The following ARK2N variants were observed in gnomAD, a reference collection of about 807,000 sequenced individuals.
ARK2N encodes protein ARK2N.
At chr18:46,244,615 T>C in the ARK2N span, among the ~76,000 whole-genome samples, 1 of 145,908 alleles carries the variant, frequency 6.9e-6, no homozygotes, top group African/African-American at 2.6e-5. Context: ...TTTTTTTTTT[T>C]TTTTTTTAAG....
chr18:46,237,838 A>G, the ARK2N span, among the ~76,000 whole-genome samples: 2 of 152,220 alleles, frequency 1.3e-5, no homozygotes, highest in East Asian at 3.8e-4. Flanking sequence ...TTTATATAGT[A>G]TTGACTTGTC....
At chr18:46,237,178 T>C in the ARK2N span, among the ~76,000 whole-genome samples, 1 of 152,092 alleles carries the variant, frequency 6.6e-6, no homozygotes, top group Non-Finnish European at 1.5e-5. Context: ...CTGTTAATAA[T>C]GTGCTGAATT....
chr18:46,243,107 C>G, the ARK2N span, among the ~76,000 whole-genome samples: 2 of 151,946 alleles, frequency 1.3e-5, no homozygotes, highest in South Asian at 2.1e-4. Context: ...TTAAATCTGA[C>G]AATACTGGTA....
At chr18:46,208,605 G>A in the ARK2N span, among the ~76,000 whole-genome samples, 2 of 151,766 alleles carry the variant, frequency 1.3e-5, no homozygotes, top group Non-Finnish European at 2.9e-5. Flanking sequence ...GAGTAGCTGG[G>A]ATTACAGGCA....
chr18:46,255,415 C>A, the ARK2N span, among the ~76,000 whole-genome samples: 1 of 134,004 alleles, frequency 7.5e-6, no homozygotes, highest in African/African-American at 2.9e-5. Flanking sequence ...TTTTTCTTTT[C>A]TTTTCTTTTC....
the ARK2N span, among the ~76,000 whole-genome samples, chr18:46,175,907 G>T: frequency 1.3e-5 from 2 of 152,160 alleles, no homozygotes; most frequent in Non-Finnish European, 2.9e-5. Context: ...GTTAGAATAA[G>T]TTCACCGTGT....
At chr18:46,255,411 TTTTCTTTTC>T in the ARK2N span, among the ~76,000 whole-genome samples, 2 of 143,044 alleles carry the variant, frequency 1.4e-5, no homozygotes, top group African/African-American at 5.8e-5. Context: ...TTTCTTTTTC[TTTTCTTTTC>T]TTTTCTTTGC....
At chr18:46,258,173 G>C in the ARK2N span, among the ~76,000 whole-genome samples, 1 of 152,220 alleles carries the variant, frequency 6.6e-6, no homozygotes, top group Non-Finnish European at 1.5e-5. Context: ...CGATCTGCCC[G>C]CCTCGGCCTC....
chr18:46,183,427 A>G, the ARK2N span, among the ~76,000 whole-genome samples: 2 of 152,108 alleles, frequency 1.3e-5, no homozygotes, highest in African/African-American at 4.8e-5. Flanking sequence ...GGATGAGGGG[A>G]ATACTTTATA....
chr18:46,230,086 G>A, the ARK2N span, among the ~76,000 whole-genome samples: 2,167 of 151,988 alleles, frequency 0.014, 60 homozygotes, highest in African/African-American at 0.049. Context: ...CAACTGGCCC[G>A]GCTAATTTTT....
the ARK2N span, chr18:46,263,055 T>A: frequency 1.2e-6 from 2 of 1,614,168 alleles, no homozygotes; most frequent in Non-Finnish European, 8.5e-7. Flanking sequence ...AGACTTGGGC[T>A]TCACCAGCAG....
chr18:46,264,375 A>G, the ARK2N span: 1 of 152,650 alleles, frequency 6.6e-6, no homozygotes, highest in Non-Finnish European at 1.5e-5. Flanking sequence ...TTAGAACACT[A>G]TGTACTCTGC....
At chr18:46,231,268 A>C in the ARK2N span, among the ~76,000 whole-genome samples, 3 of 152,230 alleles carry the variant, frequency 2.0e-5, no homozygotes, top group Middle Eastern at 0.01. Context: ...TTTTGTTTGT[A>C]TGGATTTTTA....
the ARK2N span, among the ~76,000 whole-genome samples, chr18:46,175,114 C>A: frequency 1.3e-5 from 2 of 150,724 alleles, no homozygotes; most frequent in Non-Finnish European, 3.0e-5. Context: ...AATTGTCCAC[C>A]CCCCCGCCCC....
chr18:46,212,266 A>G, the ARK2N span, among the ~76,000 whole-genome samples: 2 of 152,276 alleles, frequency 1.3e-5, no homozygotes, highest in East Asian at 1.9e-4. Flanking sequence ...TTTTGAATAG[A>G]TAATGTTTGT....
the ARK2N span, chr18:46,263,092 G>A: frequency 6.2e-7 from 1 of 1,613,450 alleles, no homozygotes; most frequent in Non-Finnish European, 8.5e-7. Context: ...CTTGGATGAG[G>A]ATAGCAGGCG....
the ARK2N span, among the ~76,000 whole-genome samples, chr18:46,199,229 C>T: frequency 6.6e-6 from 1 of 152,178 alleles, no homozygotes. Flanking sequence ...TTTACCTTTC[C>T]ATGGTGGGCT....
the ARK2N span, among the ~76,000 whole-genome samples, chr18:46,177,620 G>T: frequency 6.6e-6 from 1 of 151,676 alleles, no homozygotes; most frequent in East Asian, 1.9e-4. Context: ...TAGAGATGTG[G>T]TTTCACCATG....
chr18:46,245,142 G>C, the ARK2N span, among the ~76,000 whole-genome samples: 1 of 151,956 alleles, frequency 6.6e-6, no homozygotes, highest in Non-Finnish European at 1.5e-5. Flanking sequence ...ATGATGGCCA[G>C]GCTGGTCTTG....
Sources: gnomAD v4.1 joint callset for allele counts (sites outside exome capture counted in the v4.1 genomes callset) on GRCh38, gnomAD v4.1.1 for gene constraint, MANE v1.5 for transcripts, NCBI Gene and HGNC (gene_info 2026-07-23, HGNC 2026-07-21) for gene names.